The following OPCML variants were observed in gnomAD, a reference collection of about 807,000 sequenced individuals.
OPCML encodes the protein opioid binding protein/cell adhesion molecule like, also known as opioid-binding protein/cell adhesion molecule.
A neutral mutation model predicts 37.8 loss-of-function variants in OPCML; 13 were observed. That is an observed-to-expected ratio of 0.34 (90% CI 0.22 to 0.55). The LOEUF is 0.55. Among genes scored for constraint, OPCML ranks in the 20% least tolerant of loss-of-function variants. The pLI, the probability that OPCML is intolerant of heterozygous loss-of-function variation, is 0.91. For synonymous variants in OPCML, 176 were observed against 168.8 expected (o/e 1.04, Z -0.33); for missense variants, 341 against 435.6 (o/e 0.78, Z 1.93).
At chr11:132,583,336 T>A (rs1278190940) in intron 3 of OPCML, among the ~76,000 whole-genome samples, 1 of 152,182 alleles carries the variant, frequency 6.6e-6, no homozygotes, top group Non-Finnish European at 1.5e-5. Flanking sequence ...CCTTGCTCTG[T>A]TGGCCAGACT....
At chr11:132,703,081 C>T (rs1323134753) in intron 2 of OPCML, among the ~76,000 whole-genome samples, 1 of 152,104 alleles carries the variant, frequency 6.6e-6, no homozygotes, top group Non-Finnish European at 1.5e-5. Context: ...GGTTACACTC[C>T]TGCATTGCTT....
At chr11:133,373,446 T>TATATATATATATATATATATATATATAC (rs1482064315) in intron 1 of OPCML, among the ~76,000 whole-genome samples, 58 of 133,268 alleles carry the variant, frequency 4.4e-4, no homozygotes, top group Non-Finnish European at 7.1e-4. Flanking sequence ...TATATATATA[T>TATATATATATATATATATATATATATAC]ATACACACAC....
At chr11:132,934,383 G>A (rs551991684) in intron 2 of OPCML, among the ~76,000 whole-genome samples, 2 of 152,284 alleles carry the variant, frequency 1.3e-5, no homozygotes, top group East Asian at 1.9e-4. Context: ...GGTAGGAACC[G>A]AGGTTCAGAA....
intron 3 of OPCML, among the ~76,000 whole-genome samples, chr11:132,579,387 G>GTT (rs961985798): frequency 1.1e-4 from 11 of 99,066 alleles, no homozygotes; most frequent in Admixed American, 7.6e-4. Flanking sequence ...GAATGAATAT[G>GTT]TGTGTGTGTG....
At chr11:133,295,240 C>A (rs1942600175) in intron 1 of OPCML, among the ~76,000 whole-genome samples, 1 of 152,180 alleles carries the variant, frequency 6.6e-6, no homozygotes, top group Admixed American at 6.5e-5. Flanking sequence ...TTAAAGATTT[C>A]TTCATTTGTT....
chr11:133,298,820 T>C (rs1454676910), intron 1 of OPCML: 1 of 152,086 alleles, frequency 6.6e-6, no homozygotes, highest in Non-Finnish European at 1.5e-5. Context: ...ACATTGCATA[T>C]CAGACTGCTT....
chr11:132,905,856 T>C (rs930436773), intron 2 of OPCML, among the ~76,000 whole-genome samples: 1 of 152,156 alleles, frequency 6.6e-6, no homozygotes, highest in African/African-American at 2.4e-5. Context: ...AACAAACTAA[T>C]ATGTGTAAAA....
chr11:132,448,738 C>T (rs1323182025), intron 4 of OPCML, among the ~76,000 whole-genome samples: 1 of 152,174 alleles, frequency 6.6e-6, no homozygotes, highest in African/African-American at 2.4e-5. Flanking sequence ...CCTTCTGTGA[C>T]TCATGCTAAC....
intron 2 of OPCML, among the ~76,000 whole-genome samples, chr11:132,931,189 A>G (rs917358189): frequency 1.1e-4 from 16 of 152,226 alleles, no homozygotes; most frequent in Admixed American, 2.6e-4. Flanking sequence ...AGGCTTAAAC[A>G]TAAGAGCTAA....
At chr11:133,277,830 C>T (rs556515018) in intron 1 of OPCML, among the ~76,000 whole-genome samples, 2 of 152,082 alleles carry the variant, frequency 1.3e-5, no homozygotes, top group South Asian at 2.1e-4. Flanking sequence ...TTGCTCATCT[C>T]GTCAGAAACC....
At chr11:132,945,509 A>T (rs1387280839) in intron 1 of OPCML, among the ~76,000 whole-genome samples, 2 of 151,904 alleles carry the variant, frequency 1.3e-5, no homozygotes, top group Admixed American at 6.5e-5. Context: ...TGGGTGAGTC[A>T]GTGAGCGGGT....
intron 1 of OPCML, among the ~76,000 whole-genome samples, chr11:133,061,821 G>T (rs1231535661): frequency 6.7e-6 from 1 of 149,166 alleles, no homozygotes; most frequent in Non-Finnish European, 1.5e-5. Flanking sequence ...ATTAGACAGG[G>T]CCCTCAGTTC....
chr11:133,379,005 C>T (rs981683393), intron 1 of OPCML, among the ~76,000 whole-genome samples: 1 of 152,148 alleles, frequency 6.6e-6, no homozygotes, highest in Non-Finnish European at 1.5e-5. Flanking sequence ...AGTTCTCCCA[C>T]CTGAGCCTCA....
At chr11:132,518,425 A>G (rs672649) in intron 4 of OPCML, among the ~76,000 whole-genome samples, 60,544 of 152,090 alleles carry the variant, frequency 0.4, 14,662 homozygotes, top group Non-Finnish European at 0.55. Flanking sequence ...GCTGTAGGCA[A>G]TCTGGTCTAT....
At chr11:133,476,023 A>G (rs1565655099) in intron 1 of OPCML, among the ~76,000 whole-genome samples, 1 of 152,180 alleles carries the variant, frequency 6.6e-6, no homozygotes, top group Non-Finnish European at 1.5e-5. Context: ...TGGCTTCAAA[A>G]GCTTCTAAGG....
intron 1 of OPCML, among the ~76,000 whole-genome samples, chr11:133,262,032 C>T: frequency 6.6e-6 from 1 of 152,208 alleles, no homozygotes; most frequent in Non-Finnish European, 1.5e-5. Context: ...GACTTTACTA[C>T]TCTTGGCCTG....
chr11:133,382,099 T>A (rs1944942212), intron 1 of OPCML, among the ~76,000 whole-genome samples: 1 of 152,202 alleles, frequency 6.6e-6, no homozygotes, highest in African/African-American at 2.4e-5. Flanking sequence ...GCTGCCAACT[T>A]GTTTGGGGAG....
chr11:133,150,401 G>C (rs1949961546), intron 1 of OPCML, among the ~76,000 whole-genome samples: 2 of 152,200 alleles, frequency 1.3e-5, no homozygotes, highest in Admixed American at 1.3e-4. Flanking sequence ...GTTGATGCAG[G>C]TGCGAAATGG....
intron 2 of OPCML, among the ~76,000 whole-genome samples, chr11:132,872,654 C>G (rs1942853314): frequency 2.0e-5 from 3 of 152,148 alleles, no homozygotes; most frequent in African/African-American, 7.2e-5. Context: ...CTCCTTTGGT[C>G]AGATGTAAAA....
Sources: allele counts gnomAD v4.1 joint callset (sites outside exome capture counted in the v4.1 genomes callset), GRCh38; gene constraint gnomAD v4.1.1; transcripts MANE v1.5; gene names NCBI Gene and HGNC (gene_info 2026-07-23, HGNC 2026-07-21).